The following RIT2 variants were observed in gnomAD, a reference collection of about 807,000 sequenced individuals.
RIT2 encodes the protein Ras like without CAAX 2.
In RIT2, 24 loss-of-function variants were observed where a neutral mutation model predicts 23.7. The observed-to-expected ratio is 1.01, with a 90% CI of 0.73 to 1.43. The LOEUF is 1.43. Ranked by LOEUF, RIT2 falls within the 40% of genes most tolerant of loss-of-function variation. RIT2 has a pLI of 0.00. For synonymous variants in RIT2, 107 were observed against 91.1 expected (o/e 1.17, Z -0.99); for missense variants, 236 against 266.9 (o/e 0.88, Z 0.81).
intron 2 of RIT2, among the ~76,000 whole-genome samples, chr18:43,016,967 T>A (rs1457016733): frequency 1.3e-5 from 2 of 151,922 alleles, no homozygotes; most frequent in East Asian, 1.9e-4. Flanking sequence ...AAGCTCTTCT[T>A]TGAAGAGGCC....
intron 2 of RIT2, among the ~76,000 whole-genome samples, chr18:42,999,479 T>C (rs1911057643): frequency 6.6e-6 from 1 of 152,086 alleles, no homozygotes; most frequent in East Asian, 1.9e-4. Flanking sequence ...CAAATGTGTA[T>C]GGCCATACAG....
chr18:42,997,686 G>GAA (rs144223181), intron 2 of RIT2, among the ~76,000 whole-genome samples: 7 of 151,502 alleles, frequency 4.6e-5, no homozygotes, highest in East Asian at 3.9e-4. Context: ...AATCAAAACT[G>GAA]AAAAAAAATC....
At chr18:42,960,468 C>T (rs1046348917) in intron 3 of RIT2, among the ~76,000 whole-genome samples, 5 of 152,112 alleles carry the variant, frequency 3.3e-5, no homozygotes, top group African/African-American at 9.7e-5. Flanking sequence ...GTGTCCACCA[C>T]CATATTCAGC....
At chr18:42,985,360 T>C (rs968389477) in intron 2 of RIT2, among the ~76,000 whole-genome samples, 3 of 152,138 alleles carry the variant, frequency 2.0e-5, no homozygotes, top group African/African-American at 7.2e-5. Flanking sequence ...CTAATTGATC[T>C]AGAAATGCAT....
chr18:42,809,675 G>A (rs945189179), intron 4 of RIT2, among the ~76,000 whole-genome samples: 2 of 151,328 alleles, frequency 1.3e-5, no homozygotes, highest in Non-Finnish European at 3.0e-5. Context: ...AAATAGATCA[G>A]TAGAATGACT....
chr18:42,848,312 C>T (rs987122877), intron 4 of RIT2, among the ~76,000 whole-genome samples: 17 of 152,122 alleles, frequency 1.1e-4, no homozygotes, highest in Non-Finnish European at 1.9e-4. Flanking sequence ...TTACAAGGCT[C>T]ACAGACTTAA....
intron 4 of RIT2, among the ~76,000 whole-genome samples, chr18:42,797,064 A>G (rs1386495518): frequency 6.6e-6 from 1 of 152,228 alleles, no homozygotes; most frequent in African/African-American, 2.4e-5. Context: ...TATTAAGAGA[A>G]TTAAATAAAA....
intron 4 of RIT2, among the ~76,000 whole-genome samples, chr18:42,822,712 T>C (rs1906187470): frequency 6.6e-6 from 1 of 152,082 alleles, no homozygotes; most frequent in East Asian, 1.9e-4. Flanking sequence ...TATCTTTATT[T>C]TACATATCTG....
intron 4 of RIT2, among the ~76,000 whole-genome samples, chr18:42,921,138 T>A (rs1242694820): frequency 6.6e-6 from 1 of 152,146 alleles, no homozygotes; most frequent in East Asian, 1.9e-4. Context: ...CACAGAGTGG[T>A]TACAAGATAA....
intron 1 of RIT2, among the ~76,000 whole-genome samples, chr18:43,047,838 C>A (rs989040869): frequency 3.9e-5 from 6 of 152,010 alleles, no homozygotes; most frequent in African/African-American, 9.7e-5. Context: ...AATTATACTC[C>A]TTTGTTTCTC....
At chr18:42,967,345 C>T (rs528512549) in intron 3 of RIT2, among the ~76,000 whole-genome samples, 119 of 151,818 alleles carry the variant, frequency 7.8e-4, no homozygotes, top group African/African-American at 2.8e-3. Flanking sequence ...TTAAAACATA[C>T]TGTAGAAATG....
intron 1 of RIT2, among the ~76,000 whole-genome samples, chr18:43,051,622 A>T (rs1200759545): frequency 1.3e-5 from 2 of 152,136 alleles, no homozygotes; most frequent in African/African-American, 2.4e-5. Flanking sequence ...AAATGTATTT[A>T]AAAAATTAAC....
At chr18:42,970,879 G>A (rs545380476) in intron 3 of RIT2, among the ~76,000 whole-genome samples, 2 of 151,956 alleles carry the variant, frequency 1.3e-5, no homozygotes, top group South Asian at 2.1e-4. Flanking sequence ...AAAGCATTAT[G>A]CTTATCTATT....
In RIT2 at chr18:42,837,153, C is replaced by CTTTTTTTTTTTTTTTTTTTTTTTT; in HGVS notation, c.426+86395_426+86418dup. Among the ~76,000 whole-genome samples, 30 of 51,692 alleles carry CTTTTTTTTTTTTTTTTTTTTTTTT rather than the reference C, an allele frequency of 5.8e-4. 2 individuals are homozygous for CTTTTTTTTTTTTTTTTTTTTTTTT. Among genetic ancestry groups the CTTTTTTTTTTTTTTTTTTTTTTTT allele is most frequent in the Admixed American group, 7.3e-4 (2 of 2,726 alleles). 33.9% of individuals were successfully genotyped at this position (51,692 alleles called of 152,430 possible). On this transcript the variant is annotated intron_variant, in intron 4 of 4. Transcript: ENST00000326695. Reference sequence around the variant, plus strand: ...TAAAAATTTCTTTTTTTTTCTTTTTCTTTTTTTTTTTTTTTTTTTTTTTTT... The same window carrying CTTTTTTTTTTTTTTTTTTTTTTTT: ...TAAAAATTTCTTTTTTTTTCTTTTTCTTTTTTTTTTTTTTTTTTTTTTTTTTTTTTTTTTTTTTTTTTTTTTTTT...
intron 4 of RIT2, among the ~76,000 whole-genome samples, chr18:42,779,557 T>C (rs1035427360): frequency 1.3e-5 from 2 of 152,222 alleles, no homozygotes; most frequent in Non-Finnish European, 2.9e-5. Flanking sequence ...AATGAAATCT[T>C]CCTTTCCATT....
intron 1 of RIT2, among the ~76,000 whole-genome samples, chr18:43,056,230 A>G (rs1217075233): frequency 2.0e-5 from 3 of 152,110 alleles, no homozygotes; most frequent in Non-Finnish European, 4.4e-5. Context: ...TAATAATACA[A>G]GTTAGTATTT....
intron 3 of RIT2, among the ~76,000 whole-genome samples, chr18:42,966,614 A>C (rs1030112261): frequency 6.7e-6 from 1 of 149,996 alleles, no homozygotes; most frequent in African/African-American, 2.5e-5. Flanking sequence ...ATATGATAAA[A>C]TATGTAGTGA....
At chr18:42,910,511 C>T (rs1199771491) in intron 4 of RIT2, among the ~76,000 whole-genome samples, 1 of 152,072 alleles carries the variant, frequency 6.6e-6, no homozygotes, top group East Asian at 1.9e-4. Flanking sequence ...TTTTGGCCCA[C>T]AACACCCCGC....
intron 4 of RIT2, among the ~76,000 whole-genome samples, chr18:42,820,989 C>G (rs1315666571): frequency 6.6e-6 from 1 of 152,086 alleles, no homozygotes; most frequent in Non-Finnish European, 1.5e-5. Flanking sequence ...AAGAGTCAAG[C>G]TTCTCTTTGT....
Sources: allele counts gnomAD v4.1 joint callset (sites outside exome capture counted in the v4.1 genomes callset), GRCh38; gene constraint gnomAD v4.1.1; transcripts MANE v1.5; gene names NCBI Gene and HGNC (gene_info 2026-07-23, HGNC 2026-07-21).